Variants in CSNK1G3 observed in about 807,000 individuals in gnomAD.
CSNK1G3 encodes the protein casein kinase 1 gamma 3, also known as casein kinase I isoform gamma-3.
CSNK1G3 carries 23 observed loss-of-function variants against 64.3 expected under a neutral mutation model. The ratio of observed to expected loss-of-function variants is 0.36; its 90% CI spans 0.26 to 0.51. The LOEUF (loss-of-function observed/expected upper bound fraction) is 0.51. CSNK1G3 is among the 20% of genes least tolerant of loss of function. CSNK1G3 has a pLI of 0.96. For synonymous variants in CSNK1G3, 158 were observed against 162.2 expected, an observed-to-expected ratio of 0.97 and a Z score of 0.20; for missense variants, 357 against 510.5, an observed-to-expected ratio of 0.70 and a Z score of 2.90.
chr5:123,567,378 A>G (rs956058043), intron 4 of CSNK1G3, among the ~76,000 whole-genome samples: 1 of 152,158 alleles, frequency 6.6e-6, no homozygotes, highest in Non-Finnish European at 1.5e-5. Context: ...AGGTGGGTGG[A>G]TCACTTGAGG....
chr5:123,517,019 G>A (rs563219630), intron 1 of CSNK1G3, among the ~76,000 whole-genome samples: 1 of 152,262 alleles, frequency 6.6e-6, no homozygotes, highest in East Asian at 1.9e-4. Context: ...AAGTGCCAAG[G>A]ACTATGTGAT....
Position 123,598,793 on chromosome 5 carries a change from T to C in CSNK1G3, c.1087-5931T>C, listed in dbSNP as rs188442174. 3.6e-4 allele frequency among the ~76,000 whole-genome samples: 55 copies of C among 152,234 alleles called. No homozygotes were observed. The East Asian group carries it at 7.9e-3, about 22-fold the overall frequency. On this transcript the variant is annotated intron_variant, in intron 10 of 12. Coordinates refer to ENST00000345990, the Ensembl canonical transcript of CSNK1G3. ...TTAGGAGACCAAATTTGACTAGTGT[T>C]TTCTAAAGATTGCGTTTGCTGGACA...
At chr5:123,587,602 G>A (rs559807881) in intron 6 of CSNK1G3, among the ~76,000 whole-genome samples, 6 of 152,266 alleles carry the variant, frequency 3.9e-5, no homozygotes, top group East Asian at 1.9e-4. Flanking sequence ...CTCCATAATC[G>A]TGTTTAATTT....
intron 7 of CSNK1G3, 107 bp downstream of exon 7, chr5:123,588,260 A>G: frequency 9.5e-7 from 1 of 1,057,978 alleles, no homozygotes; most frequent in South Asian, 1.4e-5. Flanking sequence ...TTTTGTAAGT[A>G]GGCATCAGGG....
chr5:123,616,046 A>G (rs1749393873), exon 13 of CSNK1G3: 1 of 152,122 alleles, frequency 6.6e-6, no homozygotes, highest in South Asian at 2.1e-4. Context: ...AAATCAGGAC[A>G]TTGTTTATCA....
At position 123,549,309 on chromosome 5, in the gene CSNK1G3, G is replaced by T. The variant is rs555997332; in HGVS notation, c.178+3468G>T. ...ATTATATATGTATTTTTATTTTTCT[G>T]TATATTATGATGTTTTGACATCTTA... On this transcript the variant is annotated intron_variant, in intron 2 of 12. Transcript: ENST00000345990. Among the ~76,000 whole-genome samples the T allele has an allele frequency of 4.3e-3, 652 of 152,210 alleles. 2 individuals carry two copies. Among genetic ancestry groups the T allele is most frequent in the Non-Finnish European group, 7.4e-3 (501 of 68,006 alleles).
intron 1 of CSNK1G3, among the ~76,000 whole-genome samples, chr5:123,523,551 T>A (rs764072155): frequency 2.3e-4 from 35 of 152,178 alleles, no homozygotes; most frequent in Non-Finnish European, 4.4e-4. Flanking sequence ...AGGGTTAGAT[T>A]TCTGAAAACT....
intron 3 of CSNK1G3, 136 bp from the exon 4 acceptor site, chr5:123,557,359 A>C (rs1784843178): frequency 3.2e-6 from 2 of 630,224 alleles, no homozygotes. Flanking sequence ...TTTTTATATG[A>C]ATCTAATCTT....
intron 1 of CSNK1G3, among the ~76,000 whole-genome samples, chr5:123,535,856 C>T (rs567338494): frequency 9.8e-4 from 149 of 152,142 alleles, no homozygotes; most frequent in Non-Finnish European, 1.7e-3. Flanking sequence ...TTCTTTCTGC[C>T]TCTCTCTCCC....
chr5:123,614,285 C>A, intron 12 of CSNK1G3, 57 bp from the exon 14 acceptor site: 2 of 1,532,708 alleles, frequency 1.3e-6, no homozygotes, highest in South Asian at 2.4e-5. Context: ...GTGATACAGT[C>A]AACTTTGTGA....
At chr5:123,553,003 G>T in intron 2 of CSNK1G3, 104 bp from the exon 3 acceptor site, 1 of 583,842 alleles carries the variant, frequency 1.7e-6, no homozygotes, top group African/African-American at 2.0e-5. Context: ...AAAAACCTAT[G>T]CTTTAGTTAA....
intron 1 of CSNK1G3, among the ~76,000 whole-genome samples, chr5:123,536,828 A>G (rs1400154049): frequency 6.6e-6 from 1 of 152,130 alleles, no homozygotes; most frequent in African/African-American, 2.4e-5. Flanking sequence ...CAATGGCATA[A>G]TAAAAAATAT....
intron 1 of CSNK1G3, among the ~76,000 whole-genome samples, chr5:123,512,821 G>T (rs1424282630): frequency 6.6e-6 from 1 of 151,868 alleles, no homozygotes; most frequent in Non-Finnish European, 1.5e-5. Flanking sequence ...GGGGCAGCGG[G>T]GGCCGCGGGT....
intron 6 of CSNK1G3, 44 bp from the exon 7 acceptor site, chr5:123,588,024 A>T: frequency 2.4e-6 from 3 of 1,252,624 alleles, no homozygotes; most frequent in Non-Finnish European, 3.4e-6. Context: ...TTCCATTCTT[A>T]ACTGTTAGAG....
intron 1 of CSNK1G3, among the ~76,000 whole-genome samples, chr5:123,537,950 C>T (rs1781107256): frequency 6.6e-6 from 1 of 152,064 alleles, no homozygotes; most frequent in South Asian, 2.1e-4. Flanking sequence ...TTGTTTATGC[C>T]TGACTTCTTT....
At chr5:123,612,432 G>A (rs940763143) in intron 12 of CSNK1G3, among the ~76,000 whole-genome samples, 1 of 151,280 alleles carries the variant, frequency 6.6e-6, no homozygotes, top group African/African-American at 2.4e-5. Flanking sequence ...ATACCTAGTA[G>A]TTATTTTATA....
intron 8 of CSNK1G3, 96 bp downstream of exon 8, chr5:123,588,607 A>G (rs72791799): frequency 0.062 from 48,839 of 792,220 alleles, 1,925 homozygotes; most frequent in Non-Finnish European, 0.074. Context: ...CTATGCTTAA[A>G]AAAAAAAGAG....
chr5:123,579,151 C>T (rs748004614), intron 6 of CSNK1G3, among the ~76,000 whole-genome samples: 4 of 151,880 alleles, frequency 2.6e-5, no homozygotes, highest in Non-Finnish European at 5.9e-5. Flanking sequence ...TTTAGCTACT[C>T]TATAGAGCAT....
chr5:123,545,576 A>G, exon 2 of CSNK1G3: 1 of 1,020,922 alleles, frequency 9.8e-7, no homozygotes, highest in Non-Finnish European at 1.4e-6. Flanking sequence ...TGGTACAGTT[A>G]CCTAGTGATG....
Sources: allele counts gnomAD v4.1 joint callset (sites outside exome capture counted in the v4.1 genomes callset), GRCh38; gene constraint gnomAD v4.1.1; transcripts MANE v1.5; gene names NCBI Gene and HGNC (gene_info 2026-07-23, HGNC 2026-07-21).